STRN4: variants seen among roughly 807,000 people sequenced by gnomAD.
STRN4 encodes the protein striatin-4.
Under a neutral mutation model 77.9 loss-of-function variants are expected in STRN4, and 27 were observed. The ratio of observed to expected loss-of-function variants is 0.35; its 90% confidence interval spans 0.26 to 0.48. The LOEUF (loss-of-function observed/expected upper bound fraction) is 0.48. Among genes scored for constraint, STRN4 ranks in the 20% least tolerant of loss-of-function variants. STRN4 has a pLI of 0.99. For missense variants in STRN4, 798 were observed against 1,049.7 expected (o/e 0.76, Z 3.31); for synonymous variants, 466 against 443.1 (o/e 1.05, Z -0.65).
chr19:46,725,018 A>T, intron 11 of STRN4, 90 bp from the exon 12 acceptor site: 2 of 1,568,296 alleles, frequency 1.3e-6, no homozygotes, highest in Non-Finnish European at 1.7e-6. Flanking sequence ...AGCATTCTTC[A>T]AGGATGGCCA....
intron 5 of STRN4, 52 bp from the exon 6 acceptor site, chr19:46,730,925 C>G (rs753186979): frequency 1.3e-6 from 2 of 1,596,214 alleles, no homozygotes; most frequent in Non-Finnish European, 1.7e-6. Flanking sequence ...GGTGTCAAAG[C>G]TCAGATAGGA....
chr19:46,734,032 T>A (rs138113120), intron 4 of STRN4, among the ~76,000 whole-genome samples: 1 of 152,312 alleles, frequency 6.6e-6, no homozygotes, highest in East Asian at 1.9e-4. Context: ...TCTGACCCTG[T>A]CTCTTGAATG....
chr19:46,724,771 T>C (rs1476734466), intron 12 of STRN4, 36 bp downstream of exon 12: 3 of 1,613,536 alleles, frequency 1.9e-6, no homozygotes, highest in Non-Finnish European at 2.5e-6. Context: ...CAGGCCCCAG[T>C]GGATGTGAGG....
At position 46,728,438 on chromosome 19, in the gene STRN4, G is replaced by A. The variant is rs1269865929; in HGVS notation, c.1039+180C>T. The A allele has an allele frequency of 1.6e-5, 13 of 816,298 alleles. No individual in the cohort carries two copies. In the African/African-American group the frequency reaches 2.2e-4, roughly 14 times the overall value. The allele number at this position is 816,298 out of a possible 1,614,324, so 50.6% of individuals were successfully genotyped here. A position where few individuals can be genotyped will look rare whatever the true frequency, so the allele number is the denominator to read the frequency against. On this transcript the variant is annotated intron_variant, in intron 7 of 17. Coordinates refer to ENST00000263280, the MANE Select transcript of STRN4 (RefSeq NM_013403.3). ...GTCTCCATGGGGATTTTCCAGGGAA[G>A]GGGTGAGGGGCCGGCGGCCATGACC...
chr19:46,743,023 G>A (rs1270782446), intron 1 of STRN4, among the ~76,000 whole-genome samples: 1 of 152,174 alleles, frequency 6.6e-6, no homozygotes, highest in Non-Finnish European at 1.5e-5. Flanking sequence ...ATCAGCTATG[G>A]TGCAAACATC....
At position 46,720,718 on chromosome 19, in the gene STRN4, C is replaced by T; in HGVS notation, c.2146G>A (p.Glu716Lys). The change falls in exon 17 of 18, where the codon GAG becomes AAG. Residue 716 changes from glutamate (E) to lysine (K), a missense_variant. Transcript: ENST00000263280. ...WSLDNKTCVQ[E>K]ITAHRKKHEE... is the part of the protein sequence containing the mutation. Reference sequence around the variant, plus strand: ...TGCTTCTTGCGGTGGGCCGTGATCTCCTGCACGCACGTTTTGTTGTCCAGG... The same window carrying T: ...TGCTTCTTGCGGTGGGCCGTGATCTTCTGCACGCACGTTTTGTTGTCCAGG... 6.2e-7 allele frequency: 1 copy of T among 1,609,258 alleles called. No individual in the cohort carries two copies. Among genetic ancestry groups the T allele is most frequent in the Non-Finnish European group, 8.5e-7 (1 of 1,177,406 alleles).
intron 11 of STRN4, 118 bp downstream of exon 11, chr19:46,725,214 C>G: frequency 7.0e-7 from 1 of 1,419,080 alleles, no homozygotes; most frequent in South Asian, 1.2e-5. Context: ...GGGGCGGGGA[C>G]TCAGAGCCCC....
rs764200367 is a variant in STRN4, at chr19:46,728,624, C to T, written c.1033G>A (p.Glu345Lys). Residue 345 changes from glutamate (E) to lysine (K), a missense_variant, in exon 7 of 18, where the codon GAG becomes AAG. By Grantham distance (56) the Glu-to-Lys change is moderately conservative. Transcript: ENST00000263280. Reference sequence around the variant, plus strand: ...CCAGAAAACGTCAGCTCACCCAGCTCATGGGGGCTCCCATCCACAGTGCAC... The same window carrying T: ...CCAGAAAACGTCAGCTCACCCAGCTTATGGGGGCTCCCATCCACAGTGCAC... ...RRCTVDGSPH[E>K]LESRRVKLQG... 44 of 1,613,048 alleles carry T rather than the reference C, an allele frequency of 2.7e-5. No homozygotes were observed. Among genetic ancestry groups the T allele is most frequent in the Non-Finnish European group, 3.6e-5 (43 of 1,179,592 alleles).
intron 7 of STRN4, 108 bp downstream of exon 7, chr19:46,728,510 C>T (rs1417664522): frequency 3.5e-5 from 48 of 1,388,080 alleles, no homozygotes; most frequent in Non-Finnish European, 4.3e-5. Context: ...GAAACATATC[C>T]GTCCGGTAGA....
At chr19:46,742,665 C>T (rs977722551) in intron 1 of STRN4, among the ~76,000 whole-genome samples, 7 of 152,038 alleles carry the variant, frequency 4.6e-5, no homozygotes, top group Admixed American at 1.3e-4. Context: ...CGGGTACAAG[C>T]GATTCTCCTG....
rs781665425 is a variant in STRN4, at chr19:46,727,523, C to T, written c.1177G>A (p.Gly393Arg). The T allele has an allele frequency of 1.8e-5, 29 of 1,613,910 alleles. No homozygotes were observed. Among genetic ancestry groups the T allele is most frequent in the Non-Finnish European group, 2.4e-5 (28 of 1,179,958 alleles). Residue 393 changes from glycine to arginine, a missense_variant, in exon 9 of 18, where the codon GGG becomes AGG. By Grantham distance (125) the Gly-to-Arg change is moderately radical (BLOSUM62 -2). Transcript: ENST00000263280. The stretch of plus-strand genomic sequence containing the variant: ...TCCCCCAGGCTCACCTCCCCGCCCC[C>T]GATAGTGTCCATGATGAAGACGTCT... ...HEDVFIMDTI[G>R]GGEVSLGDLA...
chr19:46,729,190 C>A (rs142395306), intron 6 of STRN4, among the ~76,000 whole-genome samples: 1,581 of 152,358 alleles, frequency 0.01, 20 homozygotes, highest in Non-Finnish European at 0.015. Context: ...AGCAGCCGTG[C>A]TGGCACAAGA....
At position 46,720,245 on chromosome 19, in the gene STRN4, G is replaced by A. The variant is rs1485321264; in HGVS notation, c.*160C>T. 3 of 193,328 alleles carry A rather than the reference G, an allele frequency of 1.6e-5. No homozygotes were observed. The highest frequency in any genetic ancestry group is 6.1e-5 in the Admixed American group (1 of 16,352). The allele number at this position is 193,328 out of a possible 1,614,324, so 12.0% of individuals were successfully genotyped here. ...GCTTGGGGAAGGCAGCCGTTGGGGA[G>A]GGATTCCTGGGGAAAGGGCCGTTAG... On this transcript the variant is annotated 3_prime_UTR_variant, in exon 18 of 18. Coordinates refer to ENST00000263280, the MANE Select transcript of STRN4 (RefSeq NM_013403.3).
Position 46,728,020 on chromosome 19 carries a change from G to A in STRN4, c.1040-13C>T. ...ACCCGACGGCTTTCTGCAGGGTCGA[G>A]GCATAGGGCCGGAGTCACCCAGCAG... is the stretch of plus-strand genomic sequence containing the variant. On this transcript the variant is annotated splice_polypyrimidine_tract_variant and intron_variant, in intron 7 of 17. Transcript: ENST00000263280. The A allele has an allele frequency of 6.2e-7, 1 of 1,612,052 alleles. No homozygotes were observed. The highest frequency in any genetic ancestry group is 8.5e-7 in the Non-Finnish European group (1 of 1,179,140).
chr19:46,728,902 G>T (rs1020371197), intron 6 of STRN4, 125 bp from the exon 7 acceptor site: 1 of 1,392,092 alleles, frequency 7.2e-7, no homozygotes, highest in Non-Finnish European at 9.6e-7. Context: ...TGCCTCAGCC[G>T]CCAGCCAGCT....
intron 16 of STRN4, 81 bp downstream of exon 16, chr19:46,721,904 CT>C (rs2053986469): frequency 1.9e-6 from 3 of 1,548,362 alleles, no homozygotes; most frequent in African/African-American, 2.7e-5. Flanking sequence ...CCGGGGCCCC[CT>C]GAGCACTTGC....
At position 46,724,249 on chromosome 19, in the gene STRN4, C is replaced by CAAAAAAAAAAAAAAAAAAAA. The variant is rs71970589; in HGVS notation, c.1594+538_1594+557dup. Among the ~76,000 whole-genome samples the CAAAAAAAAAAAAAAAAAAAA allele has an allele frequency of 1.7e-4, 15 of 87,178 alleles. 1 individual carries two copies. The highest frequency in any genetic ancestry group is 6.1e-4 in the African/African-American group (12 of 19,618). The allele number at this position is 87,178 out of a possible 152,430, so 57.2% of individuals were successfully genotyped here. A position where few individuals can be genotyped will look rare whatever the true frequency, so the allele number is the denominator to read the frequency against. On this transcript the variant is annotated intron_variant, in intron 12 of 17. Transcript: ENST00000263280. Reference sequence around the variant, plus strand: ...GGTGACAGAGTGAGACTCTTTGTCTCAAAAAAAAAAAAAAAAAAAAAAAAA... The same window carrying CAAAAAAAAAAAAAAAAAAAA: ...GGTGACAGAGTGAGACTCTTTGTCTCAAAAAAAAAAAAAAAAAAAAAAAAAAAAAAAAAAAAAAAAAAAAA...
Position 46,741,742 on chromosome 19 carries a change from C to T in STRN4, c.283-2854G>A, listed in dbSNP as rs558132153. ...CCAGCAAGGCGACATCTAAAGGCTT[C>T]GGAGGAGTCCCAGCAATTCAGTCCT... On this transcript the variant is annotated intron_variant, in intron 1 of 17. Transcript: ENST00000263280. This position sits in a 1 kb window ranked among gnomAD's most constrained non-coding sequence, Gnocchi z 4.9. Among the ~76,000 whole-genome samples the T allele has an allele frequency of 1.8e-4, 27 of 152,332 alleles. No individual in the cohort carries two copies. The East Asian group carries it at 5.2e-3, about 29-fold the overall frequency.
chr19:46,731,449 T>C (rs1250911677), intron 5 of STRN4: 2 of 154,570 alleles, frequency 1.3e-5, no homozygotes, highest in East Asian at 1.9e-4. Flanking sequence ...TGACAAGTTA[T>C]AGCAGAGGAG....
Sources: gnomAD v4.1 joint callset for allele counts (sites outside exome capture counted in the v4.1 genomes callset) on GRCh38, gnomAD v4.1.1 for gene constraint, Gnocchi (gnomAD v3.1) non-coding constraint, MANE v1.5 for transcripts, NCBI Gene and HGNC (gene_info 2026-07-23, HGNC 2026-07-21) for gene names.